Variants in MITF observed in about 807,000 individuals in gnomAD.
MITF encodes the protein microphthalmia-associated transcription factor.
In MITF, 17 loss-of-function variants were observed where a neutral mutation model predicts 60.5. The ratio of observed to expected loss-of-function variants is 0.28; its 90% CI spans 0.19 to 0.42. The LOEUF (loss-of-function observed/expected upper bound fraction) is 0.42, where lower values mean the gene tolerates loss of function less well. Among genes scored for constraint, MITF ranks in the 10% least tolerant of loss-of-function variants. MITF has a pLI of 1.00. For synonymous variants in MITF, 260 were observed against 248.5 expected, an observed-to-expected ratio of 1.05 and a Z score of -0.43; for missense variants, 622 against 683.5, an observed-to-expected ratio of 0.91 and a Z score of 1.00.
chr3:69,849,626 T>G (rs1372809162), intron 1 of MITF, among the ~76,000 whole-genome samples: 1 of 152,158 alleles, frequency 6.6e-6, no homozygotes, highest in African/African-American at 2.4e-5. Flanking sequence ...TAATGAGAAA[T>G]GGGAAGAGCT....
At chr3:69,792,447 T>A (rs2062755383) in intron 1 of MITF, among the ~76,000 whole-genome samples, 1 of 152,038 alleles carries the variant, frequency 6.6e-6, no homozygotes, top group South Asian at 2.1e-4. Context: ...TTTCATTATA[T>A]GATTTTTTTT....
At chr3:69,820,608 G>T (rs1422177941) in intron 1 of MITF, among the ~76,000 whole-genome samples, 2 of 152,128 alleles carry the variant, frequency 1.3e-5, no homozygotes, top group African/African-American at 2.4e-5. Flanking sequence ...CTGATGGCCT[G>T]GTAAAACTTC....
chr3:69,854,113 G>A (rs2063874252), intron 1 of MITF, among the ~76,000 whole-genome samples: 1 of 152,092 alleles, frequency 6.6e-6, no homozygotes. Flanking sequence ...CTCCCAAAGT[G>A]CTGGGATTAC....
intron 2 of MITF, among the ~76,000 whole-genome samples, chr3:69,914,146 G>C (rs1413959775): frequency 6.6e-6 from 1 of 152,010 alleles, no homozygotes; most frequent in Admixed American, 6.6e-5. Context: ...TTTTGAGTTG[G>C]AGTCTCACTT....
chr3:69,771,489 A>C (rs969001962), intron 1 of MITF, among the ~76,000 whole-genome samples: 3 of 152,202 alleles, frequency 2.0e-5, no homozygotes, highest in African/African-American at 7.2e-5. Context: ...GTGATTCTCC[A>C]GCAGTGTGTC....
chr3:69,924,582 C>A (rs1358511991), intron 2 of MITF, among the ~76,000 whole-genome samples: 2 of 152,118 alleles, frequency 1.3e-5, no homozygotes, highest in African/African-American at 2.4e-5. Context: ...AACCCATCAC[C>A]CAGCTTCGAG....
At chr3:69,853,970 C>T (rs748562067) in intron 1 of MITF, among the ~76,000 whole-genome samples, 1 of 151,460 alleles carries the variant, frequency 6.6e-6, no homozygotes, top group Non-Finnish European at 1.5e-5. Context: ...AAGTGACTCT[C>T]CTGCCAGTAG....
chr3:69,844,502 T>C (rs2063696450), intron 1 of MITF, among the ~76,000 whole-genome samples: 1 of 152,100 alleles, frequency 6.6e-6, no homozygotes, highest in African/African-American at 2.4e-5. Context: ...ACATAAGACC[T>C]AAAACCATAA....
chr3:69,740,450 T>A (rs533838454), intron 1 of MITF, among the ~76,000 whole-genome samples: 4 of 152,270 alleles, frequency 2.6e-5, no homozygotes, highest in African/African-American at 9.6e-5. Flanking sequence ...GAGACACGTG[T>A]TTAATTCGCT....
chr3:69,937,365 G>GAT (rs1553701619), intron 2 of MITF, among the ~76,000 whole-genome samples: 2 of 142,116 alleles, frequency 1.4e-5, no homozygotes, highest in African/African-American at 5.2e-5. Context: ...TTCTTAAGGA[G>GAT]GTGTGTGTGT....
intron 1 of MITF, among the ~76,000 whole-genome samples, chr3:69,857,202 A>G (rs1291151329): frequency 6.6e-6 from 1 of 152,090 alleles, no homozygotes; most frequent in Non-Finnish European, 1.5e-5. Flanking sequence ...TAATTTTAGA[A>G]TTAGTTTGCT....
At chr3:69,882,833 G>A (rs2064521465) in intron 2 of MITF, among the ~76,000 whole-genome samples, 1 of 152,148 alleles carries the variant, frequency 6.6e-6, no homozygotes, top group South Asian at 2.1e-4. Flanking sequence ...AAAAGCACTG[G>A]TCGCTCTCAT....
At chr3:69,920,846 A>G (rs1244471530) in intron 2 of MITF, among the ~76,000 whole-genome samples, 1 of 152,052 alleles carries the variant, frequency 6.6e-6, no homozygotes, top group Non-Finnish European at 1.5e-5. Context: ...GTCACTGCAC[A>G]CGGGGAGAGA....
intron 1 of MITF, among the ~76,000 whole-genome samples, chr3:69,790,956 C>T (rs1451459139): frequency 6.6e-6 from 1 of 152,198 alleles, no homozygotes; most frequent in Non-Finnish European, 1.5e-5. Flanking sequence ...TAATAATAGA[C>T]CGTAGATGGT....
chr3:69,874,578 G>C (rs1422620564), intron 1 of MITF, among the ~76,000 whole-genome samples: 2 of 152,228 alleles, frequency 1.3e-5, no homozygotes, highest in Non-Finnish European at 2.9e-5. Flanking sequence ...ACAGTCACAA[G>C]TTACCGCACA....
intron 1 of MITF, among the ~76,000 whole-genome samples, chr3:69,826,541 A>T (rs1324464815): frequency 1.3e-5 from 2 of 152,196 alleles, no homozygotes; most frequent in Non-Finnish European, 2.9e-5. Context: ...AATTACTTTT[A>T]AAAACTTTTG....
intron 4 of MITF, among the ~76,000 whole-genome samples, chr3:69,939,524 A>T (rs1559735038): frequency 6.6e-6 from 1 of 152,066 alleles, no homozygotes; most frequent in Non-Finnish European, 1.5e-5. Flanking sequence ...TAAAACCAAG[A>T]TGTGTGTGTA....
At chr3:69,839,796 G>A (rs1402058974) in intron 1 of MITF, among the ~76,000 whole-genome samples, 2 of 150,584 alleles carry the variant, frequency 1.3e-5, no homozygotes, top group African/African-American at 2.4e-5. Flanking sequence ...TTTGAAAAAC[G>A]AAAACGTTCA....
intron 1 of MITF, among the ~76,000 whole-genome samples, chr3:69,850,778 A>C (rs1489097929): frequency 6.6e-6 from 1 of 152,124 alleles, no homozygotes; most frequent in Non-Finnish European, 1.5e-5. Context: ...AATGCCAGCT[A>C]ATGGAAATTT....
Sources: gnomAD v4.1 joint callset for allele counts (sites outside exome capture counted in the v4.1 genomes callset) on GRCh38, gnomAD v4.1.1 for gene constraint, MANE v1.5 for transcripts, NCBI Gene and HGNC (gene_info 2026-07-23, HGNC 2026-07-21) for gene names.